Variants in PCDH7 observed in about 807,000 individuals in gnomAD.
PCDH7 encodes the protein protocadherin 7.
In PCDH7, 17 loss-of-function variants were observed where a neutral mutation model predicts 58.9. That is an observed-to-expected ratio of 0.29 (90% CI 0.20 to 0.43). PCDH7 has a LOEUF of 0.43. Ranked by LOEUF, PCDH7 falls within the 20% of genes least tolerant of loss-of-function variation. PCDH7 has a pLI of 1.00. For missense variants in PCDH7, 1,274 were observed against 1,441.0 expected (o/e 0.88, Z 1.88); for synonymous variants, 664 against 616.4 (o/e 1.08, Z -1.14).
intron 3 of PCDH7, among the ~76,000 whole-genome samples, chr4:31,051,008 C>A (rs144844968): frequency 6.6e-6 from 1 of 152,160 alleles, no homozygotes; most frequent in Non-Finnish European, 1.5e-5. Context: ...GAATCTTAAT[C>A]GCTTAGTTCA....
intron 3 of PCDH7, among the ~76,000 whole-genome samples, chr4:31,007,353 GCTGA>G (rs1353102665): frequency 6.6e-6 from 1 of 152,150 alleles, no homozygotes; most frequent in East Asian, 1.9e-4. Flanking sequence ...TATTGAAGTG[GCTGA>G]CTGTGACTTT....
chr4:30,849,297 CT>C (rs1468153717), intron 1 of PCDH7, among the ~76,000 whole-genome samples: 1 of 152,124 alleles, frequency 6.6e-6, no homozygotes, highest in Non-Finnish European at 1.5e-5. Flanking sequence ...AACATGTTAG[CT>C]CAACTACCTT....
chr4:30,731,005 C>G, exon 2 of PCDH7: 1 of 1,217,690 alleles, frequency 8.2e-7, no homozygotes, highest in Non-Finnish European at 1.0e-6. Context: ...CAGAAATGTG[C>G]TACTAATGGA....
intron 3 of PCDH7, among the ~76,000 whole-genome samples, chr4:31,080,815 A>G (rs1759437490): frequency 6.6e-6 from 1 of 152,094 alleles, no homozygotes; most frequent in Non-Finnish European, 1.5e-5. Context: ...CATAATTCCC[A>G]TGTGTTGTGG....
At chr4:30,958,434 A>G (rs1748068708) in intron 3 of PCDH7, among the ~76,000 whole-genome samples, 1 of 152,030 alleles carries the variant, frequency 6.6e-6, no homozygotes, top group South Asian at 2.1e-4. Flanking sequence ...TATAATAGCA[A>G]AAGAAATACA....
At chr4:30,845,295 C>A (rs1013842012) in intron 1 of PCDH7, among the ~76,000 whole-genome samples, 1 of 152,106 alleles carries the variant, frequency 6.6e-6, no homozygotes, top group Non-Finnish European at 1.5e-5. Flanking sequence ...TGGAAATATT[C>A]TCTCTTACAT....
At chr4:30,993,732 A>G (rs1394168385) in intron 3 of PCDH7, among the ~76,000 whole-genome samples, 1 of 152,164 alleles carries the variant, frequency 6.6e-6, no homozygotes, top group African/African-American at 2.4e-5. Context: ...GACCATCTTC[A>G]ATTTAGATTT....
At chr4:30,894,913 A>G (rs1739209378) in intron 1 of PCDH7, among the ~76,000 whole-genome samples, 2 of 151,714 alleles carry the variant, frequency 1.3e-5, no homozygotes, top group Admixed American at 1.3e-4. Context: ...GAAATAAGCA[A>G]CATATGCAAA....
chr4:31,131,978 A>C (rs898774991), intron 3 of PCDH7, among the ~76,000 whole-genome samples: 4 of 152,154 alleles, frequency 2.6e-5, no homozygotes, highest in African/African-American at 9.7e-5. Context: ...TTCTACTTCA[A>C]ATATGATTTG....
intron 1 of PCDH7, among the ~76,000 whole-genome samples, chr4:30,748,513 C>CT (rs1368569492): frequency 1.3e-5 from 2 of 152,160 alleles, no homozygotes; most frequent in Non-Finnish European, 2.9e-5. Context: ...CAGCCTCATT[C>CT]TTTTTATCAG....
intron 3 of PCDH7, among the ~76,000 whole-genome samples, chr4:31,008,170 A>G (rs1175323451): frequency 6.6e-6 from 1 of 151,180 alleles, no homozygotes; most frequent in African/African-American, 2.4e-5. Context: ...ATGAATTATG[A>G]AAAAAAAATG....
In PCDH7 at chr4:30,723,527, G is replaced by A. The variant is rs1468235248; in HGVS notation, c.2105G>A (p.Arg702Gln). The A allele has an allele frequency of 6.2e-7, 1 of 1,614,078 alleles. No homozygotes were observed. Among genetic ancestry groups the A allele is most frequent in the South Asian group, 1.1e-5 (1 of 91,068 alleles). The change falls in exon 1 of 2, where the codon CGG (arginine) becomes CAG (glutamine). Residue 702 changes from arginine (R) to glutamine (Q), a missense_variant. Transcript: ENST00000361762. The surrounding 1 kb of genome is among the most constrained non-coding windows in gnomAD (Gnocchi z 4.6). ...ATTTACTCCACAATGTCTTTTGACC[G>A]GGAACATCAGACCACATACACTTTC...
At chr4:31,022,330 G>A (rs1754094687) in intron 3 of PCDH7, among the ~76,000 whole-genome samples, 1 of 152,132 alleles carries the variant, frequency 6.6e-6, no homozygotes, top group Admixed American at 6.6e-5. Context: ...ATTTCTAACG[G>A]TAGAGTAAGT....
chr4:30,903,614 A>T (rs1740512659), intron 1 of PCDH7, among the ~76,000 whole-genome samples: 2 of 152,118 alleles, frequency 1.3e-5, no homozygotes, highest in Admixed American at 1.3e-4. Flanking sequence ...AAATGGAAAG[A>T]TTATCCTTTA....
At chr4:31,008,088 A>G (rs945489171) in intron 3 of PCDH7, among the ~76,000 whole-genome samples, 3 of 152,154 alleles carry the variant, frequency 2.0e-5, no homozygotes, top group Non-Finnish European at 4.4e-5. Flanking sequence ...GAGATGGCAG[A>G]TGATGAGATA....
chr4:31,002,175 T>A (rs558238381), intron 3 of PCDH7, among the ~76,000 whole-genome samples: 1 of 152,280 alleles, frequency 6.6e-6, no homozygotes, highest in African/African-American at 2.4e-5. Context: ...ACTTGGAAAA[T>A]ATTAGCCAAA....
chr4:30,720,621 G>C lies in PCDH7; in HGVS notation c.-802G>C. ...GGGTGAGAAGGGACTGACTCTGGGC[G>C]TCTCTGAAGATGGCTCGGGCTTCTC... On this transcript the variant is annotated 5_prime_UTR_variant, in exon 1 of 2. Coordinates refer to ENST00000361762, the Ensembl canonical transcript of PCDH7. The surrounding 1 kb of genome is among the most constrained non-coding windows in gnomAD (Gnocchi z 4.7). The C allele has an allele frequency of 6.5e-6, 1 of 153,018 alleles. No homozygotes were observed. 9.5% of individuals were successfully genotyped at this position (153,018 alleles called of 1,614,324 possible).
At chr4:30,792,848 A>G (rs1466131028) in intron 1 of PCDH7, among the ~76,000 whole-genome samples, 2 of 152,176 alleles carry the variant, frequency 1.3e-5, no homozygotes, top group Non-Finnish European at 2.9e-5. Context: ...TGTGCATTCC[A>G]AAAAGATCAG....
At chr4:31,053,164 T>C (rs992433278) in intron 3 of PCDH7, among the ~76,000 whole-genome samples, 11 of 152,116 alleles carry the variant, frequency 7.2e-5, no homozygotes, top group African/African-American at 2.7e-4. Context: ...CTTGTCTTCT[T>C]GCCTCTACCT....
Sources: allele counts gnomAD v4.1 joint callset (sites outside exome capture counted in the v4.1 genomes callset), GRCh38; gene constraint gnomAD v4.1.1; non-coding constraint Gnocchi (gnomAD v3.1); transcripts MANE v1.5; gene names NCBI Gene and HGNC (gene_info 2026-07-23, HGNC 2026-07-21).